Variants in SPATA6 observed in about 807,000 individuals in gnomAD.
SPATA6 encodes spermatogenesis associated 6, also known as spermatogenesis-associated protein 6.
SPATA6 carries 56 observed loss-of-function variants against 65.3 expected under a neutral mutation model. The observed-to-expected ratio is 0.86, with a 90% CI of 0.69 to 1.07. The LOEUF is 1.07. Among genes scored for constraint, SPATA6 ranks in the 50% least tolerant of loss-of-function variants. The pLI is 0.00. For missense variants in SPATA6, 590 were observed against 594.8 expected (o/e 0.99, Z 0.08); for synonymous variants, 199 against 213.2 (o/e 0.93, Z 0.58).
At chr1:48,467,290 CTT>C (rs1657881821) in intron 1 of SPATA6, among the ~76,000 whole-genome samples, 1 of 152,032 alleles carries the variant, frequency 6.6e-6, no homozygotes, top group Non-Finnish European at 1.5e-5. Flanking sequence ...TAACACAAAA[CTT>C]CAGCAAAAAG....
At chr1:48,313,305 T>C (rs1338954094) in intron 11 of SPATA6, among the ~76,000 whole-genome samples, 1 of 152,098 alleles carries the variant, frequency 6.6e-6, no homozygotes, top group Non-Finnish European at 1.5e-5. Context: ...AAAGGTCGGG[T>C]TACCCACAAA....
At chr1:48,379,429 T>C (rs1333960553) in intron 9 of SPATA6, among the ~76,000 whole-genome samples, 4 of 152,006 alleles carry the variant, frequency 2.6e-5, no homozygotes, top group Non-Finnish European at 4.4e-5. Context: ...GTCAAACTCA[T>C]AGAAGCAGAA....
chr1:48,454,533 G>T (rs117605636), intron 1 of SPATA6, among the ~76,000 whole-genome samples: 4 of 152,140 alleles, frequency 2.6e-5, no homozygotes, highest in Admixed American at 6.5e-5. Flanking sequence ...ATGCAAGTAA[G>T]TATGTCTTAA....
At chr1:48,269,019 C>T in the SPATA6 span, among the ~76,000 whole-genome samples, 3 of 152,128 alleles carry the variant, frequency 2.0e-5, no homozygotes, top group Admixed American at 6.5e-5. Context: ...GGTATTCCCA[C>T]ATTACAGACT....
chr1:48,287,037 C>CAA, the SPATA6 span, among the ~76,000 whole-genome samples: 4,013 of 113,040 alleles, frequency 0.036, 98 homozygotes, highest in African/African-American at 0.073. Flanking sequence ...TAGACTGTCT[C>CAA]AAAAAAAAAA....
intron 8 of SPATA6, among the ~76,000 whole-genome samples, chr1:48,392,484 A>G (rs1650170794): frequency 6.6e-6 from 1 of 152,156 alleles, no homozygotes; most frequent in African/African-American, 2.4e-5. Context: ...AGTAACAGCT[A>G]CAATGTGCTT....
At position 48,356,364 on chromosome 1, in the gene SPATA6, TATAG is replaced by T. The variant is rs755999306; in HGVS notation, c.1095-599_1095-596del. On this transcript the variant is annotated intron_variant, in intron 10 of 12. Transcript: ENST00000371847. Reference sequence around the variant, plus strand: ...TTCTCAAATTCAAAACTGACACTAGTATAGATAAACGACTTTATTTCATATAATA... The same window carrying T: ...TTCTCAAATTCAAAACTGACACTAGTATAAACGACTTTATTTCATATAATA... 5.9e-4 allele frequency among the ~76,000 whole-genome samples: 90 copies of T among 151,816 alleles called. 1 individual carries two copies. Among genetic ancestry groups the T allele is most frequent in the African/African-American group, 1.9e-3 (78 of 41,538 alleles).
At chr1:48,455,129 A>C (rs1480315134) in intron 1 of SPATA6, among the ~76,000 whole-genome samples, 1 of 152,186 alleles carries the variant, frequency 6.6e-6, no homozygotes, top group Non-Finnish European at 1.5e-5. Context: ...CATTAAAACT[A>C]AAATCGTCTT....
At chr1:48,345,804 C>T (rs894872423) in intron 11 of SPATA6, among the ~76,000 whole-genome samples, 16 of 151,950 alleles carry the variant, frequency 1.1e-4, no homozygotes, top group African/African-American at 3.9e-4. Context: ...AAACTGAATC[C>T]CTGAACAGAC....
In SPATA6 at chr1:48,451,606, G is replaced by A; in HGVS notation, c.190-6C>T. 2 of 1,610,030 alleles carry A rather than the reference G, an allele frequency of 1.2e-6. No individual in the cohort carries two copies. The highest frequency in any genetic ancestry group is 8.5e-7 in the Non-Finnish European group (1 of 1,178,244). On this transcript the variant is annotated splice_region_variant and splice_polypyrimidine_tract_variant and intron_variant, in intron 2 of 12. Transcript: ENST00000371847. ...TCTACTGCGTCCGGGAACACCTATA[G>A]TGAGACGATACAGGGAGAGGCAGGA...
chr1:48,359,170 T>C lies in SPATA6; in HGVS notation c.1094+416A>G, dbSNP rs755479147. Among the ~76,000 whole-genome samples the C allele has an allele frequency of 5.3e-5, 8 of 152,142 alleles. 1 individual carries two copies. The highest frequency in any genetic ancestry group is 1.2e-4 in the Non-Finnish European group (8 of 68,018). The stretch of plus-strand genomic sequence containing the variant: ...TTAAGATGCTCTTAGGGAGCTGGGG[T>C]AGGTTGTTTGAGAAAACTAGATACC... On this transcript the variant is annotated intron_variant, in intron 10 of 12. Transcript: ENST00000371847.
At chr1:48,467,080 T>A (rs1013234441) in intron 1 of SPATA6, among the ~76,000 whole-genome samples, 1 of 152,156 alleles carries the variant, frequency 6.6e-6, no homozygotes, top group Non-Finnish European at 1.5e-5. Flanking sequence ...ATTCTTTTGA[T>A]GCTCTTTAAA....
intron 3 of SPATA6, chr1:48,436,620 T>C: frequency 1.2e-6 from 2 of 1,614,006 alleles, no homozygotes; most frequent in Middle Eastern, 1.7e-4. Flanking sequence ...GGCATAGGGC[T>C]GTGTATGATT....
intron 3 of SPATA6, among the ~76,000 whole-genome samples, chr1:48,435,094 T>C (rs887865307): frequency 1.3e-5 from 2 of 151,986 alleles, no homozygotes; most frequent in African/African-American, 2.4e-5. Context: ...GCATATAGGG[T>C]ATGAAATAGA....
At chr1:48,286,811 C>T in the SPATA6 span, among the ~76,000 whole-genome samples, 1 of 151,932 alleles carries the variant, frequency 6.6e-6, no homozygotes, top group Non-Finnish European at 1.5e-5. Flanking sequence ...TCAAGGCAGG[C>T]AGATCACTTG....
intron 8 of SPATA6, among the ~76,000 whole-genome samples, chr1:48,390,664 T>C (rs572196631): frequency 6.6e-6 from 1 of 152,288 alleles, no homozygotes; most frequent in Non-Finnish European, 1.5e-5. Flanking sequence ...TAACAAAATA[T>C]CACATGTACC....
chr1:48,365,244 G>C (rs943073275), intron 9 of SPATA6, among the ~76,000 whole-genome samples: 14 of 151,946 alleles, frequency 9.2e-5, no homozygotes, highest in African/African-American at 3.4e-4. Context: ...GTGCCTCCGG[G>C]TTTGTTCTTT....
At chr1:48,400,930 A>C (rs1010740294) in intron 6 of SPATA6, 1 of 693,832 alleles carries the variant, frequency 1.4e-6, no homozygotes, top group African/African-American at 1.9e-5. Flanking sequence ...ACAGAAGCAA[A>C]GAATGTCAGC....
At chr1:48,282,740 G>A in the SPATA6 span, among the ~76,000 whole-genome samples, 1 of 152,170 alleles carries the variant, frequency 6.6e-6, no homozygotes, top group African/African-American at 2.4e-5. Context: ...TGGTGGGACT[G>A]CAAACTAGTT....
Sources: allele counts gnomAD v4.1 joint callset (sites outside exome capture counted in the v4.1 genomes callset), GRCh38; gene constraint gnomAD v4.1.1; transcripts MANE v1.5; gene names NCBI Gene and HGNC (gene_info 2026-07-23, HGNC 2026-07-21).